The following CRYL1 variants were observed in gnomAD, a reference collection of about 807,000 sequenced individuals.
CRYL1 encodes crystallin lambda 1.
Under a neutral mutation model 36.6 loss-of-function variants are expected in CRYL1, and 29 were observed. The ratio of observed to expected loss-of-function variants is 0.79; its 90% confidence interval spans 0.59 to 1.08. The LOEUF is 1.08. Ranked by LOEUF, CRYL1 falls within the 50% of genes least tolerant of loss-of-function variation. The pLI, the probability that CRYL1 is intolerant of heterozygous loss-of-function variation, is 0.00. For missense variants in CRYL1, 411 were observed against 407.9 expected (o/e 1.01, Z -0.06); for synonymous variants, 152 against 151.5 (o/e 1.00, Z -0.02).
chr13:20,524,306 TAC>T (rs765728869), intron 1 of CRYL1, among the ~76,000 whole-genome samples: 1 of 152,072 alleles, frequency 6.6e-6, no homozygotes, highest in African/African-American at 2.4e-5. Flanking sequence ...TGTATATATA[TAC>T]ACACACACAT....
At chr13:20,430,107 T>A in intron 5 of CRYL1, 1 of 757,368 alleles carries the variant, frequency 1.3e-6, no homozygotes, top group Non-Finnish European at 1.6e-6. Flanking sequence ...GGTAGTGCCA[T>A]TCCCACCCCA....
intron 3 of CRYL1, among the ~76,000 whole-genome samples, chr13:20,485,690 A>G (rs1346412021): frequency 2.1e-5 from 3 of 144,100 alleles, no homozygotes; most frequent in Non-Finnish European, 4.4e-5. Context: ...AAAGATAGAA[A>G]AGAAAAGAAA....
intron 3 of CRYL1, among the ~76,000 whole-genome samples, chr13:20,440,237 C>G (rs2032323146): frequency 6.6e-6 from 1 of 152,206 alleles, no homozygotes; most frequent in South Asian, 2.1e-4. Flanking sequence ...TCTACACTTT[C>G]TTATGAAGGC....
In CRYL1 at chr13:20,439,702, TCTAA is replaced by T. The variant is rs753495504; in HGVS notation, c.325_328del (p.Leu109IlefsTer8). 128 of 1,613,992 alleles carry T rather than the reference TCTAA, an allele frequency of 7.9e-5. No homozygotes were observed. Among genetic ancestry groups the T allele is most frequent in the Non-Finnish European group, 1.0e-4 (122 of 1,180,000 alleles). ...GATCACTCGATCATCAATGATGGAATCTAACTGAGCAAAAATCTTCTTCTTCAGT... is the reference window on the plus strand; with the variant it reads ...GATCACTCGATCATCAATGATGGAATCTGAGCAAAAATCTTCTTCTTCAGT... On this transcript the variant is annotated frameshift_variant, in exon 4 of 8. Coordinates refer to ENST00000298248, the MANE Select transcript of CRYL1 (RefSeq NM_015974.3). LOFTEE classifies it high-confidence loss of function.
chr13:20,443,416 T>C (rs1001614496), intron 3 of CRYL1, among the ~76,000 whole-genome samples: 1 of 152,184 alleles, frequency 6.6e-6, no homozygotes, highest in African/African-American at 2.4e-5. Flanking sequence ...TTTTTTGAGA[T>C]GGAGTCTCAC....
intron 3 of CRYL1, among the ~76,000 whole-genome samples, chr13:20,468,028 A>C (rs4262815): frequency 3.4e-4 from 52 of 152,046 alleles, no homozygotes; most frequent in African/African-American, 1.2e-3. Flanking sequence ...CCTTATGATC[A>C]GCAGTGGAAC....
Position 20,420,700 on chromosome 13 carries a change from G to GTTTTT in CRYL1, c.634-7314_634-7313insAAAAA, listed in dbSNP as rs5802072. Reference sequence around the variant, plus strand: ...CCTTTGACTTTTCTTTAAAATAGAGGTTGTGTGTGTGTGTGTGTGTGTGTG... The same window carrying GTTTTT: ...CCTTTGACTTTTCTTTAAAATAGAGGTTTTTTTGTGTGTGTGTGTGTGTGTGTGTG... On this transcript the variant is annotated intron_variant, in intron 5 of 7. Coordinates refer to ENST00000298248, the MANE Select transcript of CRYL1 (RefSeq NM_015974.3). Among the ~76,000 whole-genome samples, 84 of 36,458 alleles carry GTTTTT rather than the reference G, an allele frequency of 2.3e-3. 14 individuals are homozygous for GTTTTT. The highest frequency in any genetic ancestry group is 0.016 in the Middle Eastern group (1 of 64). The allele number at this position is 36,458 out of a possible 152,430, so 23.9% of individuals were successfully genotyped here.
Position 20,524,112 on chromosome 13 carries a change from G to C in CRYL1, c.41+1642C>G, listed in dbSNP as rs2034144604. Among the ~76,000 whole-genome samples, 6 of 152,276 alleles carry C rather than the reference G, an allele frequency of 3.9e-5. No individual in the cohort carries two copies. In the South Asian group the frequency reaches 1.0e-3, roughly 26 times the overall value. On this transcript the variant is annotated intron_variant, in intron 1 of 7. Coordinates refer to ENST00000298248, the MANE Select transcript of CRYL1 (RefSeq NM_015974.3). ...CCTAAAAATTTTAAAAATCAGCCGG[G>C]TATGGTGACACATGCCTGCTGTGGG...
intron 5 of CRYL1, chr13:20,431,196 G>A (rs1267347334): frequency 1.0e-6 from 1 of 985,304 alleles, no homozygotes; most frequent in African/African-American, 1.7e-5. Flanking sequence ...GGAAGCTGGG[G>A]CACAGTCAGC....
chr13:20,489,148 A>C (rs1214041568), intron 3 of CRYL1, among the ~76,000 whole-genome samples: 1 of 152,242 alleles, frequency 6.6e-6, no homozygotes, highest in African/African-American at 2.4e-5. Flanking sequence ...CGGATAAGGC[A>C]TTGGTCTCTT....
chr13:20,446,524 A>T (rs1371716300), intron 3 of CRYL1, among the ~76,000 whole-genome samples: 2 of 152,190 alleles, frequency 1.3e-5, no homozygotes, highest in Non-Finnish European at 2.9e-5. Flanking sequence ...ATGAAGAGGG[A>T]TTATTCTTTG....
At chr13:20,418,031 G>A (rs143562833) in intron 5 of CRYL1, among the ~76,000 whole-genome samples, 6 of 152,242 alleles carry the variant, frequency 3.9e-5, no homozygotes, top group African/African-American at 1.4e-4. Context: ...AGGGCAGGCC[G>A]GCAACTCCAG....
rs924731963 is a variant in CRYL1, at chr13:20,429,793, G to A, written c.633+2309C>T. 1.4e-4 allele frequency among the ~76,000 whole-genome samples: 21 copies of A among 152,130 alleles called. 1 individual carries two copies. Among genetic ancestry groups the A allele is most frequent in the Admixed American group, 1.0e-3 (16 of 15,274 alleles). ...TCCAGTTCCAGCAGGCTCCCCTAGC[G>A]CCCTGAACCAAGTCACCTGGCCCCT... On this transcript the variant is annotated intron_variant, in intron 5 of 7. Transcript: ENST00000298248.
intron 4 of CRYL1, among the ~76,000 whole-genome samples, chr13:20,437,520 G>A (rs1438886811): frequency 6.6e-6 from 1 of 152,084 alleles, no homozygotes; most frequent in African/African-American, 2.4e-5. Flanking sequence ...TGTTAGCCAG[G>A]ATGGTTTCGA....
chr13:20,430,462 T>A, intron 5 of CRYL1: 8 of 985,354 alleles, frequency 8.1e-6, no homozygotes, highest in Non-Finnish European at 8.4e-6. Context: ...ACAATGTCAC[T>A]CAGGCTGCCA....
chr13:20,507,698 C>A (rs1053978464), intron 2 of CRYL1, among the ~76,000 whole-genome samples: 6 of 152,136 alleles, frequency 3.9e-5, no homozygotes, highest in Admixed American at 6.5e-5. Flanking sequence ...GCAGGCGGAT[C>A]ACAAGGTCAG....
chr13:20,508,803 C>T (rs866318437), intron 2 of CRYL1, among the ~76,000 whole-genome samples: 5 of 126,132 alleles, frequency 4.0e-5, no homozygotes, highest in Admixed American at 1.1e-4. Flanking sequence ...GAGCAGAGAT[C>T]GCTCCACTGC....
chr13:20,459,280 C>T (rs1042113503), intron 3 of CRYL1, among the ~76,000 whole-genome samples: 7 of 149,044 alleles, frequency 4.7e-5, no homozygotes, highest in South Asian at 2.2e-4. Flanking sequence ...ACTGTGAAAG[C>T]AGTCTGGAGA....
At chr13:20,445,588 C>G (rs2032435528) in intron 3 of CRYL1, among the ~76,000 whole-genome samples, 1 of 152,134 alleles carries the variant, frequency 6.6e-6, no homozygotes, top group Non-Finnish European at 1.5e-5. Flanking sequence ...AGCAATGTCT[C>G]ATACTCAAAC....
Sources: allele counts gnomAD v4.1 joint callset (sites outside exome capture counted in the v4.1 genomes callset), GRCh38; gene constraint gnomAD v4.1.1; transcripts MANE v1.5; gene names NCBI Gene and HGNC (gene_info 2026-07-23, HGNC 2026-07-21).